GRINA: variants seen among roughly 807,000 people sequenced by gnomAD.
GRINA encodes protein lifeguard 1.
Under a neutral mutation model 42.5 loss-of-function variants are expected in GRINA, and 26 were observed. That is an observed-to-expected ratio of 0.61 (90% confidence interval 0.45 to 0.85). GRINA has a LOEUF of 0.85. Among genes scored for constraint, GRINA ranks in the 40% least tolerant of loss-of-function variants. GRINA has a pLI of 0.00. For missense variants in GRINA, 475 were observed against 481.5 expected (o/e 0.99, Z 0.13); for synonymous variants, 256 against 204.2 (o/e 1.25, Z -2.17).
At position 143,990,870 on chromosome 8, in the gene GRINA, C is replaced by A. The variant is rs1056710382; in HGVS notation, c.-24-330C>A. 2 of 165,204 alleles carry A rather than the reference C, an allele frequency of 1.2e-5. No homozygotes were observed. The highest frequency in any genetic ancestry group is 2.6e-5 in the Non-Finnish European group (2 of 76,472). The allele number at this position is 165,204 out of a possible 1,614,324, so 10.2% of individuals were successfully genotyped here. ...CCAGCCTCCGCGCTGAGCTCCCACC[C>A]GGGAGACGCCGGCAGCGGCGCAGGC... On this transcript the variant is annotated intron_variant, in intron 1 of 6. Transcript: ENST00000395068. This position sits in a 1 kb window ranked among gnomAD's most constrained non-coding sequence, Gnocchi z 5.6.
At position 143,992,830 on chromosome 8, in the gene GRINA, G is replaced by A. The variant is rs371899632; in HGVS notation, c.1105G>A (p.Ala369Thr). ...GTACATCCTCACCATCATTGGCCGC[G>A]CCAAGGAGTAGCCGAGCTCCAGCTC... Reference protein sequence around the residue: ...FLYILTIIGRAKE With the variant: ...FLYILTIIGRTKE Residue 369 changes from alanine (A) to threonine (T), a missense_variant, in exon 7 of 7, where the codon GCC becomes ACC. Around this residue, in one of 2 missense-constraint regions of GRINA, gnomAD observed 154 missense variants for 214.2 expected, o/e 0.72. Transcript: ENST00000395068. The A allele has an allele frequency of 6.8e-6, 11 of 1,613,188 alleles. No homozygotes were observed. Among genetic ancestry groups the A allele is most frequent in the Middle Eastern group, 1.6e-4 (1 of 6,080 alleles).
At position 143,992,829 on chromosome 8, in the gene GRINA, C is replaced by T. The variant is rs139058041; in HGVS notation, c.1104C>T (p.Arg368=). ...IFLYILTIIG[R]AKE is the part of the protein sequence containing the mutation. Reference sequence around the variant, plus strand: ...TGTACATCCTCACCATCATTGGCCGCGCCAAGGAGTAGCCGAGCTCCAGCT... The same window carrying T: ...TGTACATCCTCACCATCATTGGCCGTGCCAAGGAGTAGCCGAGCTCCAGCT... Residue 368 remains arginine (R), a synonymous_variant, in exon 7 of 7, where the codon CGC becomes CGT. Transcript: ENST00000395068. The T allele has an allele frequency of 2.7e-5, 43 of 1,613,286 alleles. No individual in the cohort carries two copies. The highest frequency in any genetic ancestry group is 3.1e-5 in the Non-Finnish European group (36 of 1,179,762).
rs1554750612 is a variant in GRINA, at chr8:143,992,085, C to T, written c.693+7C>T. 1.2e-6 allele frequency: 2 copies of T among 1,613,120 alleles called. No individual in the cohort carries two copies. The highest frequency in any genetic ancestry group is 2.2e-5 in the East Asian group (1 of 44,874). ...CTGGAACCTTGTTGCACTGGTAACC[C>T]CCAAACCTGAGCCTCTGTGCCTGGG... On this transcript the variant is annotated splice_region_variant and intron_variant, in intron 4 of 6. Coordinates refer to ENST00000395068, the MANE Select transcript of GRINA (RefSeq NM_001009184.2).
In GRINA at chr8:143,991,546, C is replaced by T. The variant is rs1322266792; in HGVS notation, c.323C>T (p.Pro108Leu). Residue 108 changes from proline (P) to leucine (L), a missense_variant, in exon 2 of 7, where the codon CCC becomes CTC. This residue lies in a region of GRINA where 321 missense variants were observed against 267.2 expected (regional missense o/e 1.20). Transcript: ENST00000395068. ...CCCCAGGGGCCATATCCCCAGAGCC[C>T]CTTCCCCCCCAACCCCTATGGACAG... Reference protein sequence around the residue: ...GYPQGPYPQSPFPPNPYGQPQ... With the variant: ...GYPQGPYPQSLFPPNPYGQPQ... The T allele has an allele frequency of 1.3e-6, 2 of 1,565,520 alleles. No homozygotes were observed. The highest frequency in any genetic ancestry group is 1.7e-6 in the Non-Finnish European group (2 of 1,146,552).
At position 143,993,279 on chromosome 8, in the gene GRINA, T is replaced by G; in HGVS notation, c.*438T>G. ...CCCACCCCCCTGGAGTGCTGCCCTC[T>G]GGGGACATGCGGAGTGGGGGTCTTA... is the stretch of plus-strand genomic sequence containing the variant. On this transcript the variant is annotated 3_prime_UTR_variant, in exon 7 of 7. Transcript: ENST00000395068. 4.9e-6 allele frequency: 1 copy of G among 202,720 alleles called. No individual in the cohort carries two copies. 12.6% of individuals were successfully genotyped at this position (202,720 alleles called of 1,614,324 possible).
At position 143,992,916 on chromosome 8, in the gene GRINA, C is replaced by G; in HGVS notation, c.*75C>G. ...CCTGCCCCTGGCACGGCAGTGCCAG[C>G]TGTACTTCCCCTCTCTCTTGTCCCC... On this transcript the variant is annotated 3_prime_UTR_variant, in exon 7 of 7. Coordinates refer to ENST00000395068, the MANE Select transcript of GRINA (RefSeq NM_001009184.2). 2 of 1,261,882 alleles carry G rather than the reference C, an allele frequency of 1.6e-6. No individual in the cohort carries two copies. The highest frequency in any genetic ancestry group is 2.2e-6 in the Non-Finnish European group (2 of 891,756). 78.2% of individuals were successfully genotyped at this position (1,261,882 alleles called of 1,614,324 possible).
In GRINA at chr8:143,992,753, A is replaced by T; in HGVS notation, c.1028A>T (p.Glu343Val). ...AAGCAGCTGTCCCTGAGCCCAGAAG[A>T]GTATGTGTTTGCTGCGCTGAACCTG... ...GNKQLSLSPE[E>V]YVFAALNLYT... Residue 343 changes from glutamate (E) to valine (V), a missense_variant, in exon 7 of 7, where the codon GAG becomes GTG. Around this residue, in one of 2 missense-constraint regions of GRINA, gnomAD observed 154 missense variants for 214.2 expected, o/e 0.72. Transcript: ENST00000395068. 1 of 1,614,002 alleles carries T rather than the reference A, an allele frequency of 6.2e-7. No individual in the cohort carries two copies. Among genetic ancestry groups the T allele is most frequent in the Non-Finnish European group, 8.5e-7 (1 of 1,179,912 alleles).
intron 1 of GRINA, 116 bp from the exon 2 acceptor site, chr8:143,991,084 C>G: frequency 1.7e-6 from 1 of 601,492 alleles, no homozygotes. Flanking sequence ...GGGCAAAGGT[C>G]ACGGTCTTCC....
chr8:143,990,062 C>G lies in GRINA; in HGVS notation c.-162C>G, dbSNP rs1452414958. 1.3e-5 allele frequency: 2 copies of G among 150,856 alleles called. No individual in the cohort carries two copies. The highest frequency in any genetic ancestry group is 4.8e-5 in the African/African-American group (2 of 41,266). 9.3% of individuals were successfully genotyped at this position (150,856 alleles called of 1,614,324 possible). On this transcript the variant is annotated 5_prime_UTR_variant, in exon 1 of 7. Transcript: ENST00000395068. This position sits in a 1 kb window ranked among gnomAD's most constrained non-coding sequence, Gnocchi z 5.6. ...CCCCCTGCCCCGCCCCGTCACAAGGCCCCGCTGCGTCTTCCGAGCCGCAGG... is the reference window on the plus strand; with the variant it reads ...CCCCCTGCCCCGCCCCGTCACAAGGGCCCGCTGCGTCTTCCGAGCCGCAGG...
In GRINA at chr8:143,991,818, T is replaced by C. The variant is rs782174811; in HGVS notation, c.492+14T>C. The C allele has an allele frequency of 1.2e-6, 2 of 1,609,440 alleles. No individual in the cohort carries two copies. The highest frequency in any genetic ancestry group is 1.7e-6 in the Non-Finnish European group (2 of 1,175,884). ...TTCATCCGCAAGGTGGGTAGGGGCA[T>C]CTCCAAGGCGGTGGGGGCTGTGGCT... On this transcript the variant is annotated intron_variant, in intron 3 of 6. Transcript: ENST00000395068.
Position 143,992,927 on chromosome 8 carries a change from C to T in GRINA, c.*86C>T, listed in dbSNP as rs890066464. Reference sequence around the variant, plus strand: ...CACGGCAGTGCCAGCTGTACTTCCCCTCTCTCTTGTCCCCAGGCACAGCCT... The same window carrying T: ...CACGGCAGTGCCAGCTGTACTTCCCTTCTCTCTTGTCCCCAGGCACAGCCT... On this transcript the variant is annotated 3_prime_UTR_variant, in exon 7 of 7. Transcript: ENST00000395068. The T allele has an allele frequency of 8.6e-7, 1 of 1,162,916 alleles. No individual in the cohort carries two copies. Among genetic ancestry groups the T allele is most frequent in the Admixed American group, 2.1e-5 (1 of 47,438 alleles). The allele number at this position is 1,162,916 out of a possible 1,614,324, so 72.0% of individuals were successfully genotyped here.
At position 143,993,206 on chromosome 8, in the gene GRINA, C is replaced by T. The variant is rs967675974; in HGVS notation, c.*365C>T. ...CAAGAGGTGAGGGTGCACGTCTTCC[C>T]TCCTGTCCCAGCTCCCCAGCCTGGC... On this transcript the variant is annotated 3_prime_UTR_variant, in exon 7 of 7. Transcript: ENST00000395068. 2 of 277,646 alleles carry T rather than the reference C, an allele frequency of 7.2e-6. No homozygotes were observed. Among genetic ancestry groups the T allele is most frequent in the African/African-American group, 4.4e-5 (2 of 45,864 alleles). 17.2% of individuals were successfully genotyped at this position (277,646 alleles called of 1,614,324 possible). A position where few individuals can be genotyped will look rare whatever the true frequency, so the allele number is the denominator to read the frequency against.
chr8:143,991,464 C>T lies in GRINA; in HGVS notation c.241C>T (p.Gln81Ter). 1 of 1,497,978 alleles carries T rather than the reference C, an allele frequency of 6.7e-7. No individual in the cohort carries two copies. Among genetic ancestry groups the T allele is most frequent in the Non-Finnish European group, 8.9e-7 (1 of 1,127,292 alleles). The allele number at this position is 1,497,978 out of a possible 1,614,324, so 92.8% of individuals were successfully genotyped here. ...QGPYPQGGYP[Q>*]GPYPQEGYPQ... is the part of the protein sequence containing the mutation. ...TCCCTACCCCCAAGGGGGCTACCCA[C>T]AGGGCCCCTACCCACAAGAGGGCTA... The change falls in exon 2 of 7, where the codon CAG becomes TAG. Residue 81 changes from glutamine to a stop codon, truncating the protein, a stop_gained. Transcript: ENST00000395068. LOFTEE classifies it high-confidence loss of function.
At chr8:143,991,830 T>TG (rs782680179) in intron 3 of GRINA, 26 bp downstream of exon 3, 3 of 1,607,484 alleles carry the variant, frequency 1.9e-6, no homozygotes, top group South Asian at 1.1e-5. Flanking sequence ...TCCAAGGCGG[T>TG]GGGGGCTGTG....
chr8:143,991,149 G>C, intron 1 of GRINA, 51 bp from the exon 2 acceptor site: 1 of 1,030,112 alleles, frequency 9.7e-7, no homozygotes. Flanking sequence ...GCTGGGTCCC[G>C]ACGCTGTCGT....
At chr8:143,991,123 G>A (rs1253403477) in intron 1 of GRINA, 77 bp from the exon 2 acceptor site, 1 of 738,588 alleles carries the variant, frequency 1.4e-6, no homozygotes, top group African/African-American at 1.9e-5. Flanking sequence ...CCCAGAAGCA[G>A]GTGGAGTTGC....
chr8:143,992,027 C>G lies in GRINA; in HGVS notation c.642C>G (p.Leu214=). 2 of 1,613,996 alleles carry G rather than the reference C, an allele frequency of 1.2e-6. No homozygotes were observed. The highest frequency in any genetic ancestry group is 2.2e-5 in the South Asian group (2 of 91,084). The change falls in exon 4 of 7, where the codon CTC becomes CTG. Residue 214 remains leucine (L), a synonymous_variant. Coordinates refer to ENST00000395068, the MANE Select transcript of GRINA (RefSeq NM_001009184.2). The part of the protein sequence containing the change: ...YAVFFISLIV[L]SCCGDFRRKH... Reference sequence around the variant, plus strand: ...TCTTCTTCATCTCTCTCATCGTCCTCAGCTGTTGTGGGGACTTCCGGCGAA... The same window carrying G: ...TCTTCTTCATCTCTCTCATCGTCCTGAGCTGTTGTGGGGACTTCCGGCGAA...
rs1293014277 is a variant in GRINA at position 143,990,056 on chromosome 8, A to G, written c.-168A>G. 7.5e-6 allele frequency: 1 copy of G among 132,890 alleles called. No individual in the cohort carries two copies. The highest frequency in any genetic ancestry group is 1.6e-5 in the Non-Finnish European group (1 of 62,514). The allele number at this position is 132,890 out of a possible 1,614,324, so 8.2% of individuals were successfully genotyped here. A position where few individuals can be genotyped will look rare whatever the true frequency, so the allele number is the denominator to read the frequency against. Reference sequence around the variant, plus strand: ...GCCCCGCCCCCTGCCCCGCCCCGTCACAAGGCCCCGCTGCGTCTTCCGAGC... The same window carrying G: ...GCCCCGCCCCCTGCCCCGCCCCGTCGCAAGGCCCCGCTGCGTCTTCCGAGC... On this transcript the variant is annotated 5_prime_UTR_variant, in exon 1 of 7. Coordinates refer to ENST00000395068, the MANE Select transcript of GRINA (RefSeq NM_001009184.2). This position sits in a 1 kb window ranked among gnomAD's most constrained non-coding sequence, Gnocchi z 5.6.
Position 143,991,323 on chromosome 8 carries a change from C to A in GRINA, c.100C>A (p.Gln34Lys). The A allele has an allele frequency of 7.2e-7, 1 of 1,394,382 alleles. No individual in the cohort carries two copies. The highest frequency in any genetic ancestry group is 9.8e-7 in the Non-Finnish European group (1 of 1,024,426). The allele number at this position is 1,394,382 out of a possible 1,614,324, so 86.4% of individuals were successfully genotyped here. ...GPQPPMPPYA[Q>K]PPYPGAPYPQ... is the part of the protein sequence containing the mutation. ...CCAGCCACCCATGCCCCCCTATGCT[C>A]AGCCTCCCTACCCTGGGGCCCCTTA... Residue 34 changes from glutamine to lysine, a missense_variant, in exon 2 of 7, where the codon CAG becomes AAG. Transcript: ENST00000395068.
Sources: gnomAD v4.1 joint callset for allele counts on GRCh38, gnomAD v4.1.1 for gene constraint, gnomAD v4.1.1 regional missense constraint, Gnocchi (gnomAD v3.1) non-coding constraint, MANE v1.5 for transcripts, NCBI Gene and HGNC (gene_info 2026-07-23, HGNC 2026-07-21) for gene names.